The following CDC73 variants were observed in gnomAD, a reference collection of about 807,000 sequenced individuals.
CDC73 encodes the protein parafibromin.
In CDC73, 21 loss-of-function variants were observed where a neutral mutation model predicts 83.7. The observed-to-expected ratio is 0.25, with a 90% CI of 0.18 to 0.36. CDC73 has a LOEUF of 0.36. CDC73 is among the 10% of genes least tolerant of loss of function. CDC73 has a pLI of 1.00. For synonymous variants in CDC73, 224 were observed against 212.9 expected (o/e 1.05, Z -0.45); for missense variants, 342 against 653.3 (o/e 0.52, Z 5.19).
At chr1:193,188,043 C>G (rs183866046) in intron 10 of CDC73, among the ~76,000 whole-genome samples, 4 of 152,246 alleles carry the variant, frequency 2.6e-5, no homozygotes, top group Non-Finnish European at 5.9e-5. Flanking sequence ...AACTTATTTT[C>G]CAGAAGTACA....
intron 10 of CDC73, among the ~76,000 whole-genome samples, chr1:193,166,250 C>A (rs1676432403): frequency 6.6e-6 from 1 of 152,046 alleles, no homozygotes; most frequent in Admixed American, 6.6e-5. Flanking sequence ...TCATTGCAGC[C>A]TTTATTTCCT....
Position 193,185,455 on chromosome 1 carries a change from G to C in CDC73, c.973-18340G>C, listed in dbSNP as rs1222927600. 2.0e-5 allele frequency among the ~76,000 whole-genome samples: 3 copies of C among 151,730 alleles called. No individual in the cohort carries two copies. In the East Asian group the frequency reaches 5.8e-4, roughly 29 times the overall value. On this transcript the variant is annotated intron_variant, in intron 10 of 16. Coordinates refer to ENST00000367435, the MANE Select transcript of CDC73 (RefSeq NM_024529.5). ...TGTAGCTTGGTAATATTTAAAATTTGTTGATACTCTCTTTGGTTGTGTTCA... is the reference window on the plus strand; with the variant it reads ...TGTAGCTTGGTAATATTTAAAATTTCTTGATACTCTCTTTGGTTGTGTTCA...
intron 10 of CDC73, among the ~76,000 whole-genome samples, chr1:193,183,975 G>A (rs1403424367): frequency 6.6e-6 from 1 of 151,782 alleles, no homozygotes; most frequent in Non-Finnish European, 1.5e-5. Flanking sequence ...CATAATTTAT[G>A]TTGCTTTTAT....
chr1:193,253,738 A>G lies in CDC73; in HGVS notation c.*3026A>G, dbSNP rs1425317421. On this transcript the variant is annotated 3_prime_UTR_variant, in exon 17 of 17. Transcript: ENST00000367435. The stretch of plus-strand genomic sequence containing the variant: ...TATTAATTTTTGATCTGCCATGTAG[A>G]ATGAGACAAATACAGTTTGCTTATG... 4.3e-6 allele frequency: 1 copy of G among 231,268 alleles called. No homozygotes were observed. Among genetic ancestry groups the G allele is most frequent in the Non-Finnish European group, 8.6e-6 (1 of 116,958 alleles). 14.3% of individuals were successfully genotyped at this position (231,268 alleles called of 1,614,324 possible).
chr1:193,126,048 C>T lies in CDC73; in HGVS notation c.237+831C>T, dbSNP rs1328743776. Among the ~76,000 whole-genome samples the T allele has an allele frequency of 2.6e-5, 4 of 152,158 alleles. No homozygotes were observed. The East Asian group carries it at 7.7e-4, about 29-fold the overall frequency. ...CTCTAAGGCGGTAGGGTTGCTTGAGCCTAGGAGATCAAGACCAGCCTGGGC... is the reference window on the plus strand; with the variant it reads ...CTCTAAGGCGGTAGGGTTGCTTGAGTCTAGGAGATCAAGACCAGCCTGGGC... On this transcript the variant is annotated intron_variant, in intron 2 of 16. Coordinates refer to ENST00000367435, the MANE Select transcript of CDC73 (RefSeq NM_024529.5).
At position 193,251,868 on chromosome 1, in the gene CDC73, A is replaced by C. The variant is rs990775430; in HGVS notation, c.*1156A>C. ...TGTTTTTTTTTTTTCCTTAAAGGCAACTAGGAAGCTTTACTTTCCTAAAGT... is the reference window on the plus strand; with the variant it reads ...TGTTTTTTTTTTTTCCTTAAAGGCACCTAGGAAGCTTTACTTTCCTAAAGT... On this transcript the variant is annotated 3_prime_UTR_variant, in exon 17 of 17. Coordinates refer to ENST00000367435, the MANE Select transcript of CDC73 (RefSeq NM_024529.5). The C allele has an allele frequency of 4.3e-6, 1 of 231,422 alleles. No individual in the cohort carries two copies. The highest frequency in any genetic ancestry group is 1.8e-4 in the South Asian group (1 of 5,504). The allele number at this position is 231,422 out of a possible 1,614,324, so 14.3% of individuals were successfully genotyped here.
intron 10 of CDC73, chr1:193,186,072 T>C (rs1676800830): frequency 6.5e-6 from 1 of 152,798 alleles, no homozygotes; most frequent in South Asian, 2.1e-4. Context: ...GAAAATACTT[T>C]TGGCACGCCA....
In CDC73 at chr1:193,225,245, G is replaced by GATATATATAT. The variant is rs56261261; in HGVS notation, c.1155-7729_1155-7720dup. Among the ~76,000 whole-genome samples the GATATATATAT allele has an allele frequency of 3.6e-3, 518 of 143,572 alleles. 3 individuals are homozygous for GATATATATAT. Among genetic ancestry groups the GATATATATAT allele is most frequent in the Non-Finnish European group, 6.1e-3 (404 of 65,758 alleles). 94.2% of individuals were successfully genotyped at this position (143,572 alleles called of 152,430 possible). ...CTTTTATGGCTGAGTAGTATTCCATGATATATATATATATATATATATATA... is the reference window on the plus strand; with the variant it reads ...CTTTTATGGCTGAGTAGTATTCCATGATATATATATATATATATATATATATATATATATA... On this transcript the variant is annotated intron_variant, in intron 13 of 16. Coordinates refer to ENST00000367435, the MANE Select transcript of CDC73 (RefSeq NM_024529.5).
In CDC73 at chr1:193,212,421, A is replaced by G. The variant is rs775127570; in HGVS notation, c.1098A>G (p.Ala366=). 1.2e-6 allele frequency: 2 copies of G among 1,607,842 alleles called. No homozygotes were observed. Among genetic ancestry groups the G allele is most frequent in the South Asian group, 1.1e-5 (1 of 89,806 alleles). Reference sequence around the variant, plus strand: ...GAACACCCATTATCATAATTCCTGCAGCTACCACCTCTTTAATAACCATGC... The same window carrying G: ...GAACACCCATTATCATAATTCCTGCGGCTACCACCTCTTTAATAACCATGC... The part of the protein sequence containing the change: ...GSRTPIIIIP[A]ATTSLITMLN... The change falls in exon 13 of 17, where the codon GCA becomes GCG. Residue 366 remains alanine, a synonymous_variant. Coordinates refer to ENST00000367435, the MANE Select transcript of CDC73 (RefSeq NM_024529.5).
At chr1:193,149,544 C>T (rs1460487024) in intron 8 of CDC73, among the ~76,000 whole-genome samples, 1 of 152,012 alleles carries the variant, frequency 6.6e-6, no homozygotes, top group Non-Finnish European at 1.5e-5. Flanking sequence ...TTTATATAAT[C>T]GTTAGAATAC....
chr1:193,146,411 A>C (rs1215292127), intron 7 of CDC73, among the ~76,000 whole-genome samples: 3 of 152,160 alleles, frequency 2.0e-5, no homozygotes, highest in Non-Finnish European at 4.4e-5. Context: ...ATATTTCTGT[A>C]GGCTGGGAAA....
At chr1:193,135,712 TAGAA>T (rs1394889975) in intron 5 of CDC73, 123 bp downstream of exon 5, 6 of 719,888 alleles carry the variant, frequency 8.3e-6, no homozygotes, top group African/African-American at 3.6e-5. Flanking sequence ...ATTTTTGTGG[TAGAA>T]AGAACAATTG....
chr1:193,126,736 ATTTC>A (rs1399729113), intron 2 of CDC73, among the ~76,000 whole-genome samples: 12 of 152,102 alleles, frequency 7.9e-5, no homozygotes, highest in Admixed American at 1.3e-4. Context: ...ACTTTTTCCC[ATTTC>A]TTATAGTTCT....
Position 193,236,372 on chromosome 1 carries a change from T to C in CDC73, c.1417+16T>C. On this transcript the variant is annotated intron_variant, in intron 15 of 16. Transcript: ENST00000367435. ...TTTGCTAAAAGTAAGATTCTCTTTGTATTTACTGTATCCAGTATAGAAATG... is the reference window on the plus strand; with the variant it reads ...TTTGCTAAAAGTAAGATTCTCTTTGCATTTACTGTATCCAGTATAGAAATG... 7.1e-7 allele frequency: 1 copy of C among 1,399,972 alleles called. No individual in the cohort carries two copies. The highest frequency in any genetic ancestry group is 1.0e-6 in the Non-Finnish European group (1 of 984,346). The allele number at this position is 1,399,972 out of a possible 1,614,324, so 86.7% of individuals were successfully genotyped here. A position where few individuals can be genotyped will look rare whatever the true frequency, so the allele number is the denominator to read the frequency against.
At chr1:193,161,641 TATATA>T (rs1300315580) in intron 10 of CDC73, among the ~76,000 whole-genome samples, 1 of 83,924 alleles carries the variant, frequency 1.2e-5, no homozygotes, top group Non-Finnish European at 2.2e-5. Flanking sequence ...TATAATATAT[TATATA>T]ATATATAATA....
Position 193,150,395 on chromosome 1 carries a change from A to C in CDC73, c.907+13A>C. ...AAAGGAAAAGAAGGCAAGTTGCTTA[A>C]TTCTTATCTTCCCCTTAGTGTGGTT... On this transcript the variant is annotated intron_variant, in intron 9 of 16. Coordinates refer to ENST00000367435, the MANE Select transcript of CDC73 (RefSeq NM_024529.5). 1 of 1,548,694 alleles carries C rather than the reference A, an allele frequency of 6.5e-7. No homozygotes were observed. Among genetic ancestry groups the C allele is most frequent in the East Asian group, 2.2e-5 (1 of 44,612 alleles).
intron 8 of CDC73, 22 bp from the exon 9 acceptor site, chr1:193,150,282 C>T (rs922336854): frequency 4.1e-6 from 6 of 1,471,774 alleles, no homozygotes; most frequent in East Asian, 4.5e-5. Flanking sequence ...TAACAAGTAA[C>T]TCATAATTAA....
chr1:193,186,360 G>C (rs1486352660), intron 10 of CDC73: 1 of 152,262 alleles, frequency 6.6e-6, no homozygotes, highest in Non-Finnish European at 1.5e-5. Context: ...TATTTTCCTG[G>C]CTGGACAATG....
intron 13 of CDC73, among the ~76,000 whole-genome samples, chr1:193,220,503 T>A (rs1044866702): frequency 3.3e-5 from 5 of 152,186 alleles, no homozygotes; most frequent in African/African-American, 1.2e-4. Flanking sequence ...ATACTGCTTT[T>A]AACTGATTCA....
Sources: gnomAD v4.1 joint callset for allele counts (sites outside exome capture counted in the v4.1 genomes callset) on GRCh38, gnomAD v4.1.1 for gene constraint, MANE v1.5 for transcripts, NCBI Gene and HGNC (gene_info 2026-07-23, HGNC 2026-07-21) for gene names.